Variants in VPS11 observed in about 807,000 individuals in gnomAD.
VPS11 encodes VPS11 core subunit of CORVET and HOPS complexes.
In VPS11, 51 loss-of-function variants were observed where a neutral mutation model predicts 106.8. The observed-to-expected ratio is 0.48, with a 90% confidence interval of 0.38 to 0.60. The LOEUF (loss-of-function observed/expected upper bound fraction) is 0.60. VPS11 is among the 20% of genes least tolerant of loss of function. The pLI is 0.00. For synonymous variants in VPS11, 453 were observed against 458.7 expected (o/e 0.99, Z 0.16); for missense variants, 950 against 1,190.0 (o/e 0.80, Z 2.97).
In VPS11 at chr11:119,079,304, C is replaced by G; in HGVS notation, c.2438+4C>G. 6.3e-7 allele frequency: 1 copy of G among 1,583,456 alleles called. No individual in the cohort carries two copies. Among genetic ancestry groups the G allele is most frequent in the East Asian group, 2.3e-5 (1 of 43,382 alleles). On this transcript the variant is annotated splice_donor_region_variant and intron_variant, in intron 14 of 15. Transcript: ENST00000621676. ...AGATCCAAGAGCTCAAGGCCAGGTA[C>G]CCGGGGCATGGATATGTGGAGGAGT...
intron 1 of VPS11, among the ~76,000 whole-genome samples, chr11:119,068,941 A>AG (rs71048038): frequency 1 from 122,573 of 122,594 alleles, 61,276 homozygotes; most frequent in Middle Eastern, 1. Context: ...TAGTAGAGAC[A>AG]GGTTTCACCA....
In VPS11 at chr11:119,067,977, T is replaced by A. The variant is rs2133640089; in HGVS notation, c.154T>A (p.Cys52Ser). ...FLCLPPGITV[C>S]DSGRGSLVFG... ...TTGCCTCCCTCCTGGCATCACTGTCTGCGACTCAGGCCGAGGGAGCCTGGT... is the reference window on the plus strand; with the variant it reads ...TTGCCTCCCTCCTGGCATCACTGTCAGCGACTCAGGCCGAGGGAGCCTGGT... The change falls in exon 1 of 16, where the codon TGC becomes AGC. Residue 52 changes from cysteine to serine, a missense_variant. By Grantham distance (112) the Cys-to-Ser change is moderately radical (BLOSUM62 -1). Around this residue, in one of 3 missense-constraint regions of VPS11, gnomAD observed 435 missense variants for 630.2 expected, o/e 0.69. Transcript: ENST00000621676. 4 of 1,612,744 alleles carry A rather than the reference T, an allele frequency of 2.5e-6. 1 individual carries two copies. In the East Asian group the frequency reaches 8.9e-5, roughly 36 times the overall value.
At chr11:119,074,093 GT>G (rs370555790) in intron 7 of VPS11, 142 bp downstream of exon 7, 216 of 1,092,690 alleles carry the variant, frequency 2.0e-4, no homozygotes, top group South Asian at 3.2e-4. Context: ...GTTTTTGTTA[GT>G]TTTTTTTTGA....
intron 14 of VPS11, among the ~76,000 whole-genome samples, chr11:119,079,861 C>T (rs144346490): frequency 2.2e-4 from 33 of 152,166 alleles, no homozygotes; most frequent in African/African-American, 7.2e-4. Flanking sequence ...CCACGGTGCC[C>T]GGCCATAATC....
chr11:119,079,164 C>A lies in VPS11; in HGVS notation c.2302C>A (p.Leu768Ile), dbSNP rs782523092. 2.4e-5 allele frequency: 38 copies of A among 1,613,962 alleles called. No individual in the cohort carries two copies. Among genetic ancestry groups the A allele is most frequent in the South Asian group, 3.3e-5 (3 of 91,066 alleles). ...CCTGGCCCACAACTCCACAGCCACA[C>A]TCTCCGTCATCAGGGACTACCTGGT... ...QTLAHNSTAT[L>I]SVIRDYLVQK... The change falls in exon 14 of 16, where the codon CTC becomes ATC. Residue 768 changes from leucine (L) to isoleucine (I), a missense_variant. This residue lies in a region of VPS11 where 453 missense variants were observed against 514.6 expected (regional missense o/e 0.88). Coordinates refer to ENST00000621676, the MANE Select transcript of VPS11 (RefSeq NM_021729.6).
Position 119,077,974 on chromosome 11 carries a change from C to G in VPS11, c.1669C>G (p.Pro557Ala). ...CGGCAAGATCCTCATGCACCACATA[C>G]CAGAGCAGACAACTCAGTTGCTGAA... is the stretch of plus-strand genomic sequence containing the variant. ...RYGKILMHHIPEQTTQLLKGL... is the reference protein window; with the variant it reads ...RYGKILMHHIAEQTTQLLKGL... Residue 557 changes from proline (P) to alanine (A), a missense_variant, in exon 10 of 16, where the codon CCA (proline) becomes GCA (alanine). Pro to Ala is a conservative substitution (Grantham distance 27). This residue lies in a region of VPS11 where 453 missense variants were observed against 514.6 expected (regional missense o/e 0.88). Coordinates refer to ENST00000621676, the MANE Select transcript of VPS11 (RefSeq NM_021729.6). 4 of 1,613,952 alleles carry G rather than the reference C, an allele frequency of 2.5e-6. No individual in the cohort carries two copies. Among genetic ancestry groups the G allele is most frequent in the Non-Finnish European group, 3.4e-6 (4 of 1,179,896 alleles).
In VPS11 at chr11:119,078,391, C is replaced by T. The variant is rs192148983; in HGVS notation, c.1923+57C>T. ...ACAGTTCGTGCCGTCTCCATTCTTC[C>T]GTCTTGGTGGCTGCCTTTCACTGCA... is the stretch of plus-strand genomic sequence containing the variant. On this transcript the variant is annotated intron_variant, in intron 11 of 15. Coordinates refer to ENST00000621676, the MANE Select transcript of VPS11 (RefSeq NM_021729.6). 710 of 1,590,666 alleles carry T rather than the reference C, an allele frequency of 4.5e-4. 1 individual carries two copies. The highest frequency in any genetic ancestry group is 7.8e-4 in the Admixed American group (46 of 59,172).
In VPS11 at chr11:119,070,409, G is replaced by A; in HGVS notation, c.636+12G>A. 6.2e-7 allele frequency: 1 copy of A among 1,605,748 alleles called. No homozygotes were observed. On this transcript the variant is annotated intron_variant, in intron 4 of 15. Coordinates refer to ENST00000621676, the MANE Select transcript of VPS11 (RefSeq NM_021729.6). ...CAGAGAACGTCCAGGTATGACCAAG[G>A]CCTCCACTCTTAGGAGCAGGCAGGG...
At chr11:119,074,998 A>G (rs538698313) in intron 7 of VPS11, among the ~76,000 whole-genome samples, 50 of 152,136 alleles carry the variant, frequency 3.3e-4, no homozygotes, top group Non-Finnish European at 6.3e-4. Flanking sequence ...CGGGCGCGGT[A>G]GCTCACGCAT....
At position 119,079,230 on chromosome 11, in the gene VPS11, G is replaced by A. The variant is rs1421924563; in HGVS notation, c.2368G>A (p.Glu790Lys). The change falls in exon 14 of 16, where the codon GAG (glutamate) becomes AAG (lysine). Residue 790 changes from glutamate to lysine, a missense_variant. Glu to Lys is a moderately conservative substitution (Grantham distance 56). Transcript: ENST00000621676. ...ACAGAGCCAGCAGATTGCACAGGAT[G>A]AGCTGCGGGTGCGGCGGTACCGAGA... ...QKQSQQIAQD[E>K]LRVRRYREET... The A allele has an allele frequency of 6.2e-7, 1 of 1,611,946 alleles. No individual in the cohort carries two copies.
In VPS11 at chr11:119,067,836, C is replaced by G. The variant is rs2133638942; in HGVS notation, c.13C>G (p.Leu5Val). The change falls in exon 1 of 16, where the codon CTG becomes GTG. Residue 5 changes from leucine (L) to valine (V), a missense_variant. Physicochemically the swap from Leu to Val is conservative, Grantham distance 32. Coordinates refer to ENST00000621676, the MANE Select transcript of VPS11 (RefSeq NM_021729.6). Reference protein sequence around the residue: MAAYLQWRRFVFFDK... With the variant: MAAYVQWRRFVFFDK... ...GCCCTGGGCCAAAATGGCGGCCTAC[C>G]TGCAGTGGCGGCGCTTCGTTTTCTT... 3 of 1,549,590 alleles carry G rather than the reference C, an allele frequency of 1.9e-6. No individual in the cohort carries two copies. The highest frequency in any genetic ancestry group is 1.7e-6 in the Non-Finnish European group (2 of 1,145,094).
chr11:119,071,462 G>A, intron 4 of VPS11, 134 bp from the exon 5 acceptor site: 6 of 1,125,550 alleles, frequency 5.3e-6, no homozygotes, highest in Non-Finnish European at 7.5e-6. Context: ...TAATGAAGAA[G>A]GCCAGCAGCC....
Position 119,073,799 on chromosome 11 carries a change from G to C in VPS11, c.1087-1G>C. The C allele has an allele frequency of 6.2e-7, 1 of 1,602,410 alleles. No homozygotes were observed. Among genetic ancestry groups the C allele is most frequent in the Non-Finnish European group, 8.5e-7 (1 of 1,170,026 alleles). On this transcript the variant is annotated splice_acceptor_variant, in intron 6 of 15. Coordinates refer to ENST00000621676, the MANE Select transcript of VPS11 (RefSeq NM_021729.6). LOFTEE classifies it high-confidence loss of function. ...ATTTTCTAATCTCTCTTCCCTTCTA[G>C]ATGCTGTTTAAGAAGAACCTATTTG...
At chr11:119,078,416 A>C in intron 11 of VPS11, 82 bp downstream of exon 11, 1 of 1,582,132 alleles carries the variant, frequency 6.3e-7, no homozygotes, top group Non-Finnish European at 8.6e-7. Flanking sequence ...CTTTCACTGC[A>C]TTCCTTAGAC....
In VPS11 at chr11:119,070,645, G is replaced by C. The variant is rs1945346533; in HGVS notation, c.636+248G>C. The C allele has an allele frequency of 1.9e-5, 5 of 270,078 alleles. No homozygotes were observed. In the South Asian group the frequency reaches 3.0e-4, roughly 16 times the overall value. 16.7% of individuals were successfully genotyped at this position (270,078 alleles called of 1,614,324 possible). A position where few individuals can be genotyped will look rare whatever the true frequency, so the allele number is the denominator to read the frequency against. On this transcript the variant is annotated intron_variant, in intron 4 of 15. Transcript: ENST00000621676. ...TTTTGAGACCGAGTCTCACTGTGTTGCTCAGGCTGGAGTGCAGTGGCGAGA... is the reference window on the plus strand; with the variant it reads ...TTTTGAGACCGAGTCTCACTGTGTTCCTCAGGCTGGAGTGCAGTGGCGAGA...
At position 119,078,589 on chromosome 11, in the gene VPS11, G is replaced by A. The variant is rs1479869370; in HGVS notation, c.1948G>A (p.Ala650Thr). Residue 650 changes from alanine to threonine, a missense_variant, in exon 12 of 16, where the codon GCC (alanine) becomes ACC (threonine). Transcript: ENST00000621676. ...GGTCAAAGAGAAGCTTCACGCAGAG[G>A]CCATTTCCCTGCTGAAGAGTGGTCG... ...PQVKEKLHAE[A>T]ISLLKSGRFC... The A allele has an allele frequency of 6.2e-7, 1 of 1,613,246 alleles. No homozygotes were observed. The highest frequency in any genetic ancestry group is 1.3e-5 in the African/African-American group (1 of 74,914).
At position 119,071,626 on chromosome 11, in the gene VPS11, C is replaced by T. The variant is rs1361842030; in HGVS notation, c.667C>T (p.Arg223Cys). Residue 223 changes from arginine to cysteine, a missense_variant, in exon 5 of 16, where the codon CGC becomes TGC. Around this residue, in one of 3 missense-constraint regions of VPS11, gnomAD observed 435 missense variants for 630.2 expected, o/e 0.69. Coordinates refer to ENST00000621676, the MANE Select transcript of VPS11 (RefSeq NM_021729.6). ...SYIVSGKDYP[R>C]VELDTHGCGL... ...TATAGTTTCTGGAAAAGACTACCCTCGCGTGGAGTTGGACACCCATGGTTG... is the reference window on the plus strand; with the variant it reads ...TATAGTTTCTGGAAAAGACTACCCTTGCGTGGAGTTGGACACCCATGGTTG... 1.1e-5 allele frequency: 17 copies of T among 1,613,916 alleles called. No individual in the cohort carries two copies. Among genetic ancestry groups the T allele is most frequent in the Non-Finnish European group, 1.4e-5 (16 of 1,179,908 alleles).
chr11:119,077,223 C>A, intron 8 of VPS11, 140 bp downstream of exon 8: 1 of 1,123,920 alleles, frequency 8.9e-7, no homozygotes, highest in Non-Finnish European at 1.2e-6. Flanking sequence ...CCTGTTAGTT[C>A]GGTGCCATCT....
chr11:119,081,205 C>G lies in VPS11; in HGVS notation c.2552C>G (p.Ser851Trp). ...CACCAACACTGCTTTGAGAGTTACT[C>G]GGAAAGTGATGCTGACTGCCCCACC... ...SFHQHCFESYSESDADCPTCL... is the reference protein window; with the variant it reads ...SFHQHCFESYWESDADCPTCL... The change falls in exon 15 of 16, where the codon TCG (serine) becomes TGG (tryptophan). Residue 851 changes from serine to tryptophan, a missense_variant. Coordinates refer to ENST00000621676, the MANE Select transcript of VPS11 (RefSeq NM_021729.6). 1 of 1,613,992 alleles carries G rather than the reference C, an allele frequency of 6.2e-7. No individual in the cohort carries two copies. Among genetic ancestry groups the G allele is most frequent in the Non-Finnish European group, 8.5e-7 (1 of 1,179,898 alleles).
Sources: gnomAD v4.1 joint callset for allele counts (sites outside exome capture counted in the v4.1 genomes callset) on GRCh38, gnomAD v4.1.1 for gene constraint, gnomAD v4.1.1 regional missense constraint, MANE v1.5 for transcripts, NCBI Gene and HGNC (gene_info 2026-07-23, HGNC 2026-07-21) for gene names.